DHX15: variants seen among roughly 807,000 people sequenced by gnomAD.
DHX15 encodes the protein ATP-dependent RNA helicase DHX15.
Under a neutral mutation model 94.4 loss-of-function variants are expected in DHX15, and 11 were observed. The observed-to-expected ratio is 0.12, with a 90% CI of 0.07 to 0.19. The LOEUF is 0.19. DHX15 is among the 10% of genes least tolerant of loss of function. DHX15 has a pLI of 1.00. For missense variants in DHX15, 304 were observed against 988.5 expected (o/e 0.31, Z 9.29); for synonymous variants, 338 against 329.9 (o/e 1.02, Z -0.27).
At chr4:24,549,102 GT>G in intron 5 of DHX15, 80 bp from the exon 6 acceptor site, 1 of 1,184,940 alleles carries the variant, frequency 8.4e-7, no homozygotes. Flanking sequence ...TATGCAGTCT[GT>G]TTTATGTATG....
intron 3 of DHX15, among the ~76,000 whole-genome samples, chr4:24,567,839 A>G (rs1402729414): frequency 1.3e-5 from 2 of 152,228 alleles, no homozygotes; most frequent in African/African-American, 2.4e-5. Context: ...TTCAGAAGAA[A>G]AGGATGGGGA....
At chr4:24,573,618 TA>T (rs1057478336) in intron 2 of DHX15, among the ~76,000 whole-genome samples, 1 of 152,196 alleles carries the variant, frequency 6.6e-6, no homozygotes, top group Non-Finnish European at 1.5e-5. Context: ...GGAGTTTTTT[TA>T]AAAAAAAATC....
intron 1 of DHX15, among the ~76,000 whole-genome samples, chr4:24,582,201 C>T (rs974502556): frequency 6.6e-6 from 1 of 152,156 alleles, no homozygotes; most frequent in Admixed American, 6.5e-5. Flanking sequence ...ATAAATGGCA[C>T]TCAAATGACA....
chr4:24,576,215 A>G (rs760457453), intron 2 of DHX15, 28 bp downstream of exon 2: 1 of 1,556,032 alleles, frequency 6.4e-7, no homozygotes, highest in Non-Finnish European at 8.8e-7. Context: ...CATAAATGAA[A>G]TATGTACCAT....
chr4:24,548,229 G>A (rs1006750672), intron 6 of DHX15, among the ~76,000 whole-genome samples: 2 of 141,830 alleles, frequency 1.4e-5, no homozygotes, highest in Non-Finnish European at 3.0e-5. Context: ...TGCAACCTCC[G>A]CCTCTAGGGT....
chr4:24,574,109 G>C (rs1034730962), intron 2 of DHX15, among the ~76,000 whole-genome samples: 1 of 148,770 alleles, frequency 6.7e-6, no homozygotes, highest in Non-Finnish European at 1.5e-5. Context: ...AGGAGGCTGA[G>C]GCAGGAGAAT....
At chr4:24,547,117 G>C (rs1721442152) in intron 6 of DHX15, among the ~76,000 whole-genome samples, 1 of 152,118 alleles carries the variant, frequency 6.6e-6, no homozygotes, top group Non-Finnish European at 1.5e-5. Flanking sequence ...ACTCTCCCTA[G>C]GACTGTCCAG....
intron 2 of DHX15, among the ~76,000 whole-genome samples, chr4:24,574,041 CAAA>C (rs10567935): frequency 6.8e-4 from 87 of 127,758 alleles, no homozygotes; most frequent in African/African-American, 2.3e-3. Flanking sequence ...ATTAAAAATA[CAAA>C]AAAAAAAAAA....
intron 5 of DHX15, among the ~76,000 whole-genome samples, chr4:24,549,306 G>A (rs532484021): frequency 2.0e-5 from 3 of 152,178 alleles, no homozygotes; most frequent in Admixed American, 1.3e-4. Context: ...TCAACAAATT[G>A]TACTAAAATT....
intron 3 of DHX15, among the ~76,000 whole-genome samples, chr4:24,566,362 T>G (rs190814931): frequency 6.6e-6 from 1 of 152,276 alleles, no homozygotes; most frequent in Admixed American, 6.5e-5. Flanking sequence ...CGAAGTTGTC[T>G]TGTTGGAAAC....
chr4:24,549,430 C>T (rs1265221965), intron 5 of DHX15, among the ~76,000 whole-genome samples: 7 of 152,168 alleles, frequency 4.6e-5, no homozygotes, highest in Non-Finnish European at 7.4e-5. Context: ...TTTAATGTCA[C>T]GTATCACTAA....
chr4:24,550,273 G>A (rs988636188), intron 5 of DHX15, among the ~76,000 whole-genome samples: 2 of 151,734 alleles, frequency 1.3e-5, no homozygotes, highest in Non-Finnish European at 2.9e-5. Flanking sequence ...TGTACATTTT[G>A]GCGATACAAA....
Position 24,542,988 on chromosome 4 carries a change from T to G in DHX15, c.1287A>C (p.Thr429=), listed in dbSNP as rs776064489. ...VSTNIAETSL[T]IDGVVFVIDP... ...CAATCACAAACACCACACCATCTAT[T>G]GTCAAAGACGTCTCTGCTATGTTAG... The change falls in exon 7 of 14, where the codon ACA becomes ACC. Residue 429 remains threonine, a synonymous_variant. Coordinates refer to ENST00000336812, the MANE Select transcript of DHX15 (RefSeq NM_001358.3). 1 of 1,612,666 alleles carries G rather than the reference T, an allele frequency of 6.2e-7. No homozygotes were observed. Among genetic ancestry groups the G allele is most frequent in the African/African-American group, 1.3e-5 (1 of 74,874 alleles).
intron 1 of DHX15, among the ~76,000 whole-genome samples, chr4:24,582,526 G>C (rs928011411): frequency 2.0e-5 from 3 of 152,172 alleles, no homozygotes; most frequent in Non-Finnish European, 4.4e-5. Context: ...TCCTGTGAGA[G>C]ACATCAGTTC....
At position 24,555,398 on chromosome 4, in the gene DHX15, A is replaced by G. The variant is rs140676178; in HGVS notation, c.862-455T>C. Among the ~76,000 whole-genome samples, 77 of 152,236 alleles carry G rather than the reference A, an allele frequency of 5.1e-4. 1 individual carries two copies. In the East Asian group the frequency reaches 0.013, roughly 26 times the overall value. ...TAATTTCTACTTTCAGGTTCTCACT[A>G]AAACCTTGGTAGCACAATAAATTTA... On this transcript the variant is annotated intron_variant, in intron 4 of 13. Coordinates refer to ENST00000336812, the MANE Select transcript of DHX15 (RefSeq NM_001358.3).
At chr4:24,570,568 T>A (rs1186877638) in intron 3 of DHX15, 86 bp downstream of exon 3, 2 of 1,244,762 alleles carry the variant, frequency 1.6e-6, no homozygotes, top group Admixed American at 3.8e-5. Flanking sequence ...TTGGATGACA[T>A]AAGCCTGCAC....
chr4:24,558,535 A>G (rs1721791682), intron 3 of DHX15, among the ~76,000 whole-genome samples: 1 of 152,158 alleles, frequency 6.6e-6, no homozygotes, highest in Non-Finnish European at 1.5e-5. Flanking sequence ...ATTAATGGAA[A>G]TATTTTATTG....
At chr4:24,563,675 A>C (rs1721932650) in intron 3 of DHX15, among the ~76,000 whole-genome samples, 1 of 152,184 alleles carries the variant, frequency 6.6e-6, no homozygotes, top group African/African-American at 2.4e-5. Context: ...CCCAGGAACT[A>C]CAAGTTTAAG....
At chr4:24,533,415 A>G (rs1044522234) in intron 11 of DHX15, 6 of 283,326 alleles carry the variant, frequency 2.1e-5, no homozygotes, top group Non-Finnish European at 4.1e-5. Context: ...GTTCATTTTC[A>G]ATGAAACTAC....
Sources: gnomAD v4.1 joint callset for allele counts (sites outside exome capture counted in the v4.1 genomes callset) on GRCh38, gnomAD v4.1.1 for gene constraint, MANE v1.5 for transcripts, NCBI Gene and HGNC (gene_info 2026-07-23, HGNC 2026-07-21) for gene names.